ATP13A4: variants seen among roughly 807,000 people sequenced by gnomAD.
ATP13A4 encodes ATPase 13A4.
In ATP13A4, 114 loss-of-function variants were observed where a neutral mutation model predicts 142.5. The ratio of observed to expected loss-of-function variants is 0.80; its 90% confidence interval spans 0.69 to 0.93. The LOEUF is 0.93. Among genes scored for constraint, ATP13A4 ranks in the 40% least tolerant of loss-of-function variants. The pLI, the probability that ATP13A4 is intolerant of heterozygous loss-of-function variation, is 0.00. For missense variants in ATP13A4, 1,392 were observed against 1,454.0 expected, an observed-to-expected ratio of 0.96 and a Z score of 0.69; for synonymous variants, 488 against 514.8, an observed-to-expected ratio of 0.95 and a Z score of 0.70.
intron 2 of ATP13A4, 23 bp downstream of exon 2, chr3:193,514,675 G>T (rs902612675): frequency 6.3e-7 from 1 of 1,594,000 alleles, no homozygotes; most frequent in South Asian, 1.2e-5. Context: ...GGGCACCAGC[G>T]ACATAACCAG....
At chr3:193,453,578 T>G (rs913162490) in intron 17 of ATP13A4, among the ~76,000 whole-genome samples, 1 of 152,228 alleles carries the variant, frequency 6.6e-6, no homozygotes, top group Admixed American at 6.5e-5. Flanking sequence ...AAAATCTTTC[T>G]CTAGTATGGC....
intron 1 of ATP13A4, among the ~76,000 whole-genome samples, chr3:193,583,855 G>C (rs1724618865): frequency 6.6e-6 from 1 of 152,174 alleles, no homozygotes; most frequent in Admixed American, 6.5e-5. Context: ...TTTGTGACAT[G>C]CAGTAGATTG....
intron 3 of ATP13A4, 52 bp downstream of exon 3, chr3:193,502,441 G>A: frequency 6.3e-7 from 1 of 1,583,708 alleles, no homozygotes; most frequent in Non-Finnish European, 8.7e-7. Flanking sequence ...TATACTTGAG[G>A]GGAAAAAGAT....
At chr3:193,528,569 C>T (rs935407520) in intron 1 of ATP13A4, among the ~76,000 whole-genome samples, 1 of 152,080 alleles carries the variant, frequency 6.6e-6, no homozygotes, top group African/African-American at 2.4e-5. Context: ...TAAGGAAGAC[C>T]ATAATTTCTA....
intron 1 of ATP13A4, among the ~76,000 whole-genome samples, chr3:193,517,133 T>C (rs1245226154): frequency 2.0e-5 from 3 of 152,340 alleles, no homozygotes; most frequent in African/African-American, 4.8e-5. Context: ...TGGAAGATGA[T>C]GTGGGCTGGC....
intron 2 of ATP13A4, among the ~76,000 whole-genome samples, chr3:193,568,267 C>G (rs1724184279): frequency 6.6e-6 from 1 of 152,130 alleles, no homozygotes; most frequent in South Asian, 2.1e-4. Flanking sequence ...AGCCAAGCAC[C>G]ACCACTTTCT....
At chr3:193,575,401 T>C (rs1225186965) in intron 2 of ATP13A4, among the ~76,000 whole-genome samples, 1 of 152,042 alleles carries the variant, frequency 6.6e-6, no homozygotes, top group African/African-American at 2.4e-5. Flanking sequence ...AGGGGATGAG[T>C]TGACAAAGAG....
intron 1 of ATP13A4, among the ~76,000 whole-genome samples, chr3:193,553,031 G>A (rs1180314069): frequency 1.3e-5 from 2 of 152,202 alleles, no homozygotes; most frequent in Non-Finnish European, 2.9e-5. Context: ...CAACAGGCAG[G>A]TGGCCAGGTT....
intron 1 of ATP13A4, among the ~76,000 whole-genome samples, chr3:193,586,921 G>T (rs1724682130): frequency 6.6e-6 from 1 of 152,092 alleles, no homozygotes; most frequent in Non-Finnish European, 1.5e-5. Flanking sequence ...ACTAATTTGG[G>T]GGAAAGTGAT....
intron 2 of ATP13A4, among the ~76,000 whole-genome samples, chr3:193,565,652 T>C (rs998663940): frequency 2.6e-5 from 4 of 152,196 alleles, no homozygotes; most frequent in African/African-American, 9.6e-5. Flanking sequence ...GTGGTCCCAG[T>C]CTAGCCATGA....
intron 2 of ATP13A4, among the ~76,000 whole-genome samples, chr3:193,512,259 G>A (rs373157001): frequency 1.3e-5 from 2 of 152,170 alleles, no homozygotes; most frequent in South Asian, 2.1e-4. Context: ...TTCGCGTGGA[G>A]GGGTTGATCT....
chr3:193,412,155 T>C (rs1400027891), intron 27 of ATP13A4, 23 bp downstream of exon 27: 10 of 1,572,634 alleles, frequency 6.4e-6, no homozygotes, highest in Non-Finnish European at 8.8e-6. Flanking sequence ...TTCTCACCTC[T>C]GATGCAGTAC....
At chr3:193,535,279 T>C (rs1722533124) in intron 1 of ATP13A4, among the ~76,000 whole-genome samples, 1 of 152,182 alleles carries the variant, frequency 6.6e-6, no homozygotes, top group African/African-American at 2.4e-5. Context: ...GACCATATCC[T>C]GGGCCACAAA....
chr3:193,490,841 C>G (rs541452341), intron 6 of ATP13A4, among the ~76,000 whole-genome samples: 69 of 152,050 alleles, frequency 4.5e-4, no homozygotes, highest in Admixed American at 1.0e-3. Context: ...TGATAATAAT[C>G]GCTGTAAAGT....
chr3:193,435,686 T>C lies in ATP13A4; in HGVS notation c.2731A>G (p.Ser911Gly). 1.2e-6 allele frequency: 2 copies of C among 1,614,146 alleles called. No homozygotes were observed. Among genetic ancestry groups the C allele is most frequent in the Non-Finnish European group, 1.7e-6 (2 of 1,180,006 alleles). Residue 911 changes from serine (S) to glycine (G), a missense_variant, in exon 24 of 30, where the codon AGC (serine) becomes GGC (glycine). By Grantham distance (56) the Ser-to-Gly change is moderately conservative. Transcript: ENST00000342695. Reference protein sequence around the residue: ...FCMFKYMALYSMIQYVGVLLL... With the variant: ...FCMFKYMALYGMIQYVGVLLL... ...AGAACACCAACATACTGAATCATGC[T>C]GTACAGAGCCATGTACTTAAACATG...
chr3:193,463,211 CA>C (rs753578953), intron 12 of ATP13A4, among the ~76,000 whole-genome samples: 1 of 151,840 alleles, frequency 6.6e-6, no homozygotes, highest in Non-Finnish European at 1.5e-5. Flanking sequence ...TCCTCCATAA[CA>C]ACAACAAAAA....
rs77534031 is a variant in ATP13A4 at position 193,462,642 on chromosome 3, C to T, written c.1523+120G>A. 8,543 of 910,224 alleles carry T rather than the reference C, an allele frequency of 9.4e-3. 189 individuals are homozygous for T. Among genetic ancestry groups the T allele is most frequent in the East Asian group, 0.08 (3,200 of 39,850 alleles). The allele number at this position is 910,224 out of a possible 1,614,324, so 56.4% of individuals were successfully genotyped here. On this transcript the variant is annotated intron_variant, in intron 13 of 29. Coordinates refer to ENST00000342695, the MANE Select transcript of ATP13A4 (RefSeq NM_032279.4). ...GAGAAGTTAAAAGAAGATACTTTGGCAATCATTGTCCACCAAAGCCAAAGT... is the reference window on the plus strand; with the variant it reads ...GAGAAGTTAAAAGAAGATACTTTGGTAATCATTGTCCACCAAAGCCAAAGT...
chr3:193,471,300 T>G (rs768155881), intron 8 of ATP13A4, among the ~76,000 whole-genome samples: 3 of 152,202 alleles, frequency 2.0e-5, no homozygotes, highest in Non-Finnish European at 4.4e-5. Flanking sequence ...CAGTGGCTCA[T>G]GCCTGTAATC....
chr3:193,589,178 A>ATGTG (rs201349620), intron 1 of ATP13A4, among the ~76,000 whole-genome samples: 1 of 151,844 alleles, frequency 6.6e-6, no homozygotes, highest in African/African-American at 2.4e-5. Flanking sequence ...AAATATATAT[A>ATGTG]TATGTGTGTG....
Sources: gnomAD v4.1 joint callset for allele counts (sites outside exome capture counted in the v4.1 genomes callset) on GRCh38, gnomAD v4.1.1 for gene constraint, MANE v1.5 for transcripts, NCBI Gene and HGNC (gene_info 2026-07-23, HGNC 2026-07-21) for gene names.